MEMO1: variants seen among roughly 807,000 people sequenced by gnomAD.
MEMO1 encodes the protein mediator of cell motility 1.
A neutral mutation model predicts 45.2 loss-of-function variants in MEMO1; 6 were observed. The observed-to-expected ratio is 0.13, with a 90% CI of 0.07 to 0.26. MEMO1 has a LOEUF of 0.26. MEMO1 is among the 10% of genes least tolerant of loss of function. MEMO1 has a pLI of 1.00. For missense variants in MEMO1, 184 were observed against 370.5 expected (o/e 0.50, Z 4.13); for synonymous variants, 78 against 124.3 (o/e 0.63, Z 2.48).
intron 2 of MEMO1, among the ~76,000 whole-genome samples, chr2:31,994,883 G>A (rs1320579988): frequency 6.6e-6 from 1 of 151,832 alleles, no homozygotes; most frequent in South Asian, 2.1e-4. Flanking sequence ...TGGAGGTCGA[G>A]GCTGCAGTGA....
chr2:31,900,833 G>C (rs1156888006), intron 6 of MEMO1, among the ~76,000 whole-genome samples: 2 of 152,106 alleles, frequency 1.3e-5, no homozygotes, highest in Non-Finnish European at 2.9e-5. Flanking sequence ...GAAACTGCAA[G>C]CCTCATGCAC....
intron 2 of MEMO1, among the ~76,000 whole-genome samples, chr2:31,967,193 G>A (rs927171771): frequency 1.4e-4 from 21 of 150,798 alleles, no homozygotes; most frequent in Non-Finnish European, 2.1e-4. Context: ...GCGCCATCTC[G>A]GCTCACTGCA....
At chr2:32,001,127 C>T (rs1415874924) in intron 2 of MEMO1, among the ~76,000 whole-genome samples, 1 of 151,132 alleles carries the variant, frequency 6.6e-6, no homozygotes, top group Non-Finnish European at 1.5e-5. Flanking sequence ...CAAGCGCCGC[C>T]TCCCGGGTTC....
intron 2 of MEMO1, among the ~76,000 whole-genome samples, chr2:31,971,340 T>C (rs1669376790): frequency 6.6e-6 from 1 of 152,108 alleles, no homozygotes; most frequent in Admixed American, 6.6e-5. Context: ...CTCGACCTCC[T>C]GGGCTCAAGT....
chr2:31,881,799 C>A (rs542802591), intron 8 of MEMO1, among the ~76,000 whole-genome samples: 1 of 151,890 alleles, frequency 6.6e-6, no homozygotes, highest in Non-Finnish European at 1.5e-5. Flanking sequence ...GCCAAGTGTT[C>A]AAAACTAGCC....
At chr2:31,941,850 T>G (rs1012632874) in intron 3 of MEMO1, among the ~76,000 whole-genome samples, 35 of 152,334 alleles carry the variant, frequency 2.3e-4, no homozygotes, top group African/African-American at 7.9e-4. Context: ...AAATATTTGG[T>G]ATATAAAATG....
intron 2 of MEMO1, among the ~76,000 whole-genome samples, chr2:31,982,832 C>A (rs1670812020): frequency 6.6e-6 from 1 of 151,898 alleles, no homozygotes; most frequent in African/African-American, 2.4e-5. Context: ...GGGTGGGAGC[C>A]AGGTTTCTCA....
At chr2:31,973,620 A>T (rs1398815283) in intron 2 of MEMO1, among the ~76,000 whole-genome samples, 3 of 152,234 alleles carry the variant, frequency 2.0e-5, no homozygotes. Flanking sequence ...CATACAATAA[A>T]GTATTATTCA....
chr2:31,993,649 G>A (rs1339786147), intron 2 of MEMO1, among the ~76,000 whole-genome samples: 3 of 152,126 alleles, frequency 2.0e-5, no homozygotes, highest in African/African-American at 7.2e-5. Context: ...ACCTGCCCAC[G>A]CACAGGGTAA....
chr2:31,933,527 T>C (rs905636362), intron 3 of MEMO1, among the ~76,000 whole-genome samples: 2 of 151,450 alleles, frequency 1.3e-5, no homozygotes, highest in African/African-American at 4.9e-5. Context: ...AAACATCAAA[T>C]TGTGTGCTTT....
intron 2 of MEMO1, among the ~76,000 whole-genome samples, chr2:31,944,067 C>A (rs1202535585): frequency 3.9e-5 from 6 of 152,172 alleles, no homozygotes; most frequent in African/African-American, 1.4e-4. Flanking sequence ...TGTGGCCTCA[C>A]TCCTCTGCTC....
intron 6 of MEMO1, among the ~76,000 whole-genome samples, chr2:31,916,617 G>T (rs534300969): frequency 6.6e-6 from 1 of 151,978 alleles, no homozygotes; most frequent in Non-Finnish European, 1.5e-5. Flanking sequence ...TGTCTTTTCC[G>T]GTTGAAGAAG....
Position 31,902,755 on chromosome 2 carries a change from G to GT in MEMO1, c.438-10622dup, listed in dbSNP as rs201591270. On this transcript the variant is annotated intron_variant, in intron 6 of 9. Transcript: ENST00000404530. ...CACATTTTGTTTGTTTGTTTGTTTTGTTTTTTTTTGTTTAGACACAGGATC... is the reference window on the plus strand; with the variant it reads ...CACATTTTGTTTGTTTGTTTGTTTTGTTTTTTTTTTGTTTAGACACAGGATC... Among the ~76,000 whole-genome samples the GT allele has an allele frequency of 6.5e-3, 981 of 150,342 alleles. 15 individuals carry two copies. Among genetic ancestry groups the GT allele is most frequent in the African/African-American group, 0.021 (874 of 41,002 alleles).
intron 6 of MEMO1, among the ~76,000 whole-genome samples, chr2:31,916,825 G>A (rs898949389): frequency 6.6e-6 from 1 of 152,068 alleles, no homozygotes; most frequent in Non-Finnish European, 1.5e-5. Context: ...ATTGAGAAAA[G>A]TAAATAATAC....
intron 8 of MEMO1, among the ~76,000 whole-genome samples, chr2:31,876,963 C>T (rs1016356899): frequency 6.6e-6 from 1 of 152,190 alleles, no homozygotes; most frequent in Non-Finnish European, 1.5e-5. Flanking sequence ...TCTCTTCCAG[C>T]CTCCTTCCAA....
intron 2 of MEMO1, among the ~76,000 whole-genome samples, chr2:31,976,015 C>T (rs763761505): frequency 2.6e-5 from 4 of 152,116 alleles, no homozygotes; most frequent in Non-Finnish European, 5.9e-5. Context: ...CTCAGCCTCC[C>T]GAGTAGCTGG....
intron 2 of MEMO1, among the ~76,000 whole-genome samples, chr2:31,995,271 G>A (rs2148566351): frequency 6.6e-6 from 1 of 152,058 alleles, no homozygotes; most frequent in African/African-American, 2.4e-5. Flanking sequence ...GGCCAATATG[G>A]TGAAACCTCA....
At chr2:32,002,709 C>T (rs1040219355) in intron 2 of MEMO1, among the ~76,000 whole-genome samples, 6 of 152,194 alleles carry the variant, frequency 3.9e-5, no homozygotes, top group East Asian at 1.9e-4. Context: ...TACATACATA[C>T]GTAATATACC....
chr2:31,876,902 T>C (rs1674651589), intron 8 of MEMO1, among the ~76,000 whole-genome samples: 1 of 152,184 alleles, frequency 6.6e-6, no homozygotes, highest in African/African-American at 2.4e-5. Flanking sequence ...CTACCCACTG[T>C]CTAAATTACC....
Sources: gnomAD v4.1 joint callset for allele counts (sites outside exome capture counted in the v4.1 genomes callset) on GRCh38, gnomAD v4.1.1 for gene constraint, MANE v1.5 for transcripts, NCBI Gene and HGNC (gene_info 2026-07-23, HGNC 2026-07-21) for gene names.